The following IRAK1BP1 variants were observed in gnomAD, a reference collection of about 807,000 sequenced individuals.
IRAK1BP1 encodes interleukin-1 receptor-associated kinase 1-binding protein 1.
In IRAK1BP1, 24 loss-of-function variants were observed where a neutral mutation model predicts 28.0. The ratio of observed to expected loss-of-function variants is 0.86; its 90% CI spans 0.62 to 1.20. IRAK1BP1 has a LOEUF of 1.20. Among genes scored for constraint, IRAK1BP1 ranks in the 50% most tolerant of loss-of-function variants. IRAK1BP1 has a pLI of 0.00. For missense variants in IRAK1BP1, 336 were observed against 316.7 expected (o/e 1.06, Z -0.46); for synonymous variants, 131 against 116.3 (o/e 1.13, Z -0.81).
At chr6:78,873,607 T>G (rs1020824897) in intron 1 of IRAK1BP1, among the ~76,000 whole-genome samples, 1 of 151,972 alleles carries the variant, frequency 6.6e-6, no homozygotes, top group African/African-American at 2.4e-5. Flanking sequence ...GCCTCCCAAA[T>G]AGCTAGGACT....
intron 1 of IRAK1BP1, among the ~76,000 whole-genome samples, chr6:78,882,642 C>T (rs1329885851): frequency 2.0e-5 from 3 of 152,072 alleles, no homozygotes; most frequent in Admixed American, 6.5e-5. Flanking sequence ...CCAAAACTTT[C>T]AAGGTCATGA....
chr6:78,869,616 C>T (rs1392240889), intron 1 of IRAK1BP1, among the ~76,000 whole-genome samples: 1 of 152,182 alleles, frequency 6.6e-6, no homozygotes, highest in East Asian at 1.9e-4. Flanking sequence ...TCCCAATTAT[C>T]TCTGCTAATG....
exon 5 of IRAK1BP1, chr6:78,945,508 C>A: frequency 6.6e-7 from 1 of 1,521,388 alleles, no homozygotes; most frequent in Non-Finnish European, 9.1e-7. Flanking sequence ...CTAAAACATA[C>A]AAACAAAATT....
downstream of IRAK1BP1, among the ~76,000 whole-genome samples, chr6:78,948,381 A>T (rs1773943904): frequency 6.6e-6 from 1 of 152,234 alleles, no homozygotes; most frequent in Admixed American, 6.5e-5. Context: ...ACAGATTGGA[A>T]CCAATAAAAA....
chr6:78,959,582 C>T, the IRAK1BP1 span, among the ~76,000 whole-genome samples: 1 of 152,078 alleles, frequency 6.6e-6, no homozygotes, highest in African/African-American at 2.4e-5. Flanking sequence ...AAGCAAAAAC[C>T]TACTTACATT....
intron 4 of IRAK1BP1, chr6:78,936,786 C>T (rs1330750720): frequency 1.3e-5 from 2 of 151,764 alleles, no homozygotes; most frequent in African/African-American, 4.8e-5. Context: ...GGGTACTATA[C>T]ATAGTTCGTA....
At chr6:78,878,709 A>G (rs919058603) in intron 1 of IRAK1BP1, among the ~76,000 whole-genome samples, 5 of 152,194 alleles carry the variant, frequency 3.3e-5, no homozygotes, top group African/African-American at 1.2e-4. Flanking sequence ...CTCCGACCTA[A>G]AAGAGGATGT....
chr6:78,918,478 C>G (rs1682195157), intron 4 of IRAK1BP1, among the ~76,000 whole-genome samples: 1 of 142,478 alleles, frequency 7.0e-6, no homozygotes, highest in South Asian at 2.2e-4. Flanking sequence ...CTCATAGGCT[C>G]AGAGTAAAGG....
chr6:78,893,073 G>C (rs1312247880), intron 2 of IRAK1BP1, among the ~76,000 whole-genome samples: 2 of 149,496 alleles, frequency 1.3e-5, no homozygotes, highest in Non-Finnish European at 3.0e-5. Flanking sequence ...CTAACCCTAA[G>C]CACAAGAAAT....
Position 78,897,927 on chromosome 6 carries a change from C to A in IRAK1BP1, c.480C>A (p.Phe160Leu). The change falls in exon 3 of 4, where the codon TTC becomes TTA. Residue 160 changes from phenylalanine (F) to leucine (L), a missense_variant. By Grantham distance (22) the Phe-to-Leu change is conservative (BLOSUM62 0). Coordinates refer to ENST00000369940, the MANE Select transcript of IRAK1BP1 (RefSeq NM_001010844.4). Reference sequence around the variant, plus strand: ...CTGTTGTCATCAGCCCACCCCAGTTCTATCATACTCCAGGTTCTGTTGAGA... The same window carrying A: ...CTGTTGTCATCAGCCCACCCCAGTTATATCATACTCCAGGTTCTGTTGAGA... Reference protein sequence around the residue: ...DSSVVISPPQFYHTPGSVENL... With the variant: ...DSSVVISPPQLYHTPGSVENL... 6.2e-7 allele frequency: 1 copy of A among 1,614,058 alleles called. No homozygotes were observed. The highest frequency in any genetic ancestry group is 8.5e-7 in the Non-Finnish European group (1 of 1,179,962).
At chr6:78,873,914 C>T (rs1770890426) in intron 1 of IRAK1BP1, among the ~76,000 whole-genome samples, 1 of 152,126 alleles carries the variant, frequency 6.6e-6, no homozygotes, top group South Asian at 2.1e-4. Flanking sequence ...GAACTGACAC[C>T]ATTTACTGAA....
chr6:78,925,788 C>A (rs148875472), intron 4 of IRAK1BP1, among the ~76,000 whole-genome samples: 1 of 152,210 alleles, frequency 6.6e-6, no homozygotes, highest in East Asian at 1.9e-4. Flanking sequence ...TGGAATCAAC[C>A]TAGATGCCCA....
chr6:78,893,091 A>C (rs1203980817), intron 2 of IRAK1BP1, among the ~76,000 whole-genome samples: 1 of 151,808 alleles, frequency 6.6e-6, no homozygotes, highest in African/African-American at 2.4e-5. Flanking sequence ...AATTGAAAAA[A>C]AAAATGCACC....
the IRAK1BP1 span, chr6:78,955,097 AACAT>A: frequency 1.1e-6 from 1 of 893,566 alleles, no homozygotes; most frequent in Middle Eastern, 3.2e-4. Context: ...AGTTCTAAAA[AACAT>A]ACATTTTGTA....
rs890197569 is a variant in IRAK1BP1, at chr6:78,900,825, C to T, written c.*2491C>T. 1 of 152,150 alleles carries T rather than the reference C, an allele frequency of 6.6e-6. No individual in the cohort carries two copies. The allele number at this position is 152,150 out of a possible 1,614,324, so 9.4% of individuals were successfully genotyped here. A position where few individuals can be genotyped will look rare whatever the true frequency, so the allele number is the denominator to read the frequency against. ...CATGAGAACAATTGCTAGCACATAA[C>T]GGTCACTCTGAAAATAGTAGCTGAT... On this transcript the variant is annotated 3_prime_UTR_variant, in exon 4 of 4. Transcript: ENST00000369940.
downstream of IRAK1BP1, chr6:78,946,879 G>T: frequency 6.5e-7 from 1 of 1,533,820 alleles, no homozygotes; most frequent in Non-Finnish European, 8.7e-7. Flanking sequence ...GTAAATCTGT[G>T]AGGGAAAAAA....
intron 4 of IRAK1BP1, among the ~76,000 whole-genome samples, chr6:78,928,958 G>C (rs1278715012): frequency 1.3e-5 from 2 of 152,112 alleles, no homozygotes; most frequent in Non-Finnish European, 2.9e-5. Flanking sequence ...CAGAGAAATT[G>C]ACCTGCAGTT....
chr6:78,977,701 C>T, the IRAK1BP1 span, among the ~76,000 whole-genome samples: 1 of 152,090 alleles, frequency 6.6e-6, no homozygotes, highest in Non-Finnish European at 1.5e-5. Context: ...AATATAATTT[C>T]ACATCTTAAT....
the IRAK1BP1 span, among the ~76,000 whole-genome samples, chr6:78,973,125 G>A: frequency 6.6e-6 from 1 of 152,152 alleles, no homozygotes; most frequent in South Asian, 2.1e-4. Context: ...GGCAGCCAGA[G>A]AGAAAGGTCG....
Sources: gnomAD v4.1 joint callset for allele counts (sites outside exome capture counted in the v4.1 genomes callset) on GRCh38, gnomAD v4.1.1 for gene constraint, MANE v1.5 for transcripts, NCBI Gene and HGNC (gene_info 2026-07-23, HGNC 2026-07-21) for gene names.